The following CEMIP2 variants were observed in gnomAD, a reference collection of about 807,000 sequenced individuals.
The protein encoded by CEMIP2 is cell migration inducing hyaluronidase 2.
Under a neutral mutation model 146.9 loss-of-function variants are expected in CEMIP2, and 79 were observed. The ratio of observed to expected loss-of-function variants is 0.54; its 90% CI spans 0.45 to 0.65. The LOEUF (loss-of-function observed/expected upper bound fraction) is 0.65, where lower values mean the gene tolerates loss of function less well. CEMIP2 is among the 30% of genes least tolerant of loss of function. The pLI, the probability that CEMIP2 is intolerant of heterozygous loss-of-function variation, is 0.00. For missense variants in CEMIP2, 1,596 were observed against 1,696.2 expected (o/e 0.94, Z 1.04); for synonymous variants, 601 against 606.3 (o/e 0.99, Z 0.13).
rs1824437694 is a variant in CEMIP2, at chr9:71,756,195, A to C, written c.-12-5810T>G. ...CCAAGGAATTAAGCAAAAATGCTAG[A>C]TAGATAGATAGATAGATAGGCTATA... On this transcript the variant is annotated intron_variant, in intron 1 of 23. Transcript: ENST00000377044. Among the ~76,000 whole-genome samples the C allele has an allele frequency of 2.1e-5, 3 of 145,198 alleles. No individual in the cohort carries two copies. In the South Asian group the frequency reaches 6.8e-4, roughly 33 times the overall value.
intron 1 of CEMIP2, among the ~76,000 whole-genome samples, chr9:71,757,746 G>A (rs958455015): frequency 3.3e-5 from 5 of 152,130 alleles, no homozygotes; most frequent in African/African-American, 1.2e-4. Context: ...TTCTGGTTTG[G>A]TTTGGTTTGG....
chr9:71,694,657 A>G, intron 20 of CEMIP2, 50 bp from the exon 21 acceptor site: 1 of 1,228,862 alleles, frequency 8.1e-7, no homozygotes, highest in Non-Finnish European at 1.2e-6. Flanking sequence ...CCTTCCTCCA[A>G]AAGGTTCCCT....
Position 71,735,008 on chromosome 9 carries a change from A to G in CEMIP2, c.1205-14T>C, listed in dbSNP as rs746573718. 1 of 1,573,624 alleles carries G rather than the reference A, an allele frequency of 6.4e-7. No individual in the cohort carries two copies. The highest frequency in any genetic ancestry group is 8.6e-7 in the Non-Finnish European group (1 of 1,165,074). On this transcript the variant is annotated splice_polypyrimidine_tract_variant and intron_variant, in intron 5 of 23. Transcript: ENST00000377044. ...AAAGAGAAACGCCTAAACCAAAAAAAAAAAAAAGAAAAAGAAAGTGATACA... is the reference window on the plus strand; with the variant it reads ...AAAGAGAAACGCCTAAACCAAAAAAGAAAAAAAGAAAAAGAAAGTGATACA...
intron 19 of CEMIP2, 184 bp from the exon 20 acceptor site, chr9:71,698,388 G>A (rs1822461759): frequency 1.7e-6 from 1 of 588,112 alleles, no homozygotes; most frequent in Non-Finnish European, 3.0e-6. Context: ...TAAGTCAAAT[G>A]CAGTAACACT....
intron 1 of CEMIP2, among the ~76,000 whole-genome samples, chr9:71,763,386 CAT>C (rs1354150686): frequency 6.6e-6 from 1 of 152,150 alleles, no homozygotes; most frequent in Non-Finnish European, 1.5e-5. Flanking sequence ...AGTGGATATT[CAT>C]ATGTTTTAAG....
At chr9:71,741,355 G>A (rs970871756) in intron 4 of CEMIP2, among the ~76,000 whole-genome samples, 43 of 150,960 alleles carry the variant, frequency 2.8e-4, no homozygotes, top group Admixed American at 4.0e-4. Context: ...GTGCCACCAC[G>A]CCCGGCCAAT....
chr9:71,764,301 G>T (rs932511376), intron 1 of CEMIP2, among the ~76,000 whole-genome samples: 3 of 152,008 alleles, frequency 2.0e-5, no homozygotes, highest in Non-Finnish European at 2.9e-5. Flanking sequence ...TATACATAGT[G>T]TCTGCCTTAA....
chr9:71,743,321 C>T (rs1823977356), intron 4 of CEMIP2, among the ~76,000 whole-genome samples: 1 of 152,168 alleles, frequency 6.6e-6, no homozygotes, highest in Admixed American at 6.5e-5. Flanking sequence ...TGGCAATGTC[C>T]TATTTCTTGA....
At chr9:71,716,610 T>A in intron 13 of CEMIP2, 58 bp from the exon 14 acceptor site, 1 of 1,359,632 alleles carries the variant, frequency 7.4e-7, no homozygotes, top group Non-Finnish European at 1.0e-6. Flanking sequence ...TAAAAAGAGG[T>A]AATTCTCTCA....
intron 5 of CEMIP2, among the ~76,000 whole-genome samples, chr9:71,737,836 AT>A (rs1481416217): frequency 6.6e-6 from 1 of 152,200 alleles, no homozygotes; most frequent in African/African-American, 2.4e-5. Context: ...AGCCTGTAAG[AT>A]TTTATACAAA....
chr9:71,712,631 G>A (rs529938492), intron 15 of CEMIP2, among the ~76,000 whole-genome samples: 2 of 152,192 alleles, frequency 1.3e-5, no homozygotes, highest in East Asian at 1.9e-4. Flanking sequence ...TTTGGTCTTC[G>A]TTTCCAAATC....
Position 71,712,100 on chromosome 9 carries a change from C to T in CEMIP2, c.2752G>A (p.Val918Met), listed in dbSNP as rs367858637. The T allele has an allele frequency of 7.1e-5, 115 of 1,613,822 alleles. No individual in the cohort carries two copies. The highest frequency in any genetic ancestry group is 9.2e-5 in the Non-Finnish European group (109 of 1,179,934). ...ATACTTACATGTGGACCAAACTTCA[C>T]GAGGGAGATATTATTCCTGGGGGTT... is the stretch of plus-strand genomic sequence containing the variant. ...QITPRNNISL[V>M]KFGPHVSLNV... Residue 918 changes from valine to methionine, a missense_variant, in exon 16 of 24, where the codon GTG (valine) becomes ATG (methionine). By Grantham distance (21) the Val-to-Met change is conservative. Transcript: ENST00000377044.
At chr9:71,751,250 C>T (rs1009685161) in intron 1 of CEMIP2, among the ~76,000 whole-genome samples, 3 of 152,180 alleles carry the variant, frequency 2.0e-5, no homozygotes, top group African/African-American at 7.2e-5. Flanking sequence ...AGTAACTCTC[C>T]ATTTTTCCCA....
chr9:71,730,153 G>C lies in CEMIP2; in HGVS notation c.1874C>G (p.Thr625Ser). The C allele has an allele frequency of 1.2e-6, 2 of 1,614,158 alleles. No individual in the cohort carries two copies. The highest frequency in any genetic ancestry group is 1.7e-6 in the Non-Finnish European group (2 of 1,180,030). Residue 625 changes from threonine to serine, a missense_variant, in exon 9 of 24, where the codon ACC (threonine) becomes AGC (serine). Thr to Ser is a moderately conservative substitution (Grantham distance 58). Transcript: ENST00000377044. ...GGTGGGCAGGAGAGTACCCGGCTTG[G>C]TGAGGAGTCCCAGATTGTGGAACAA... The part of the protein sequence containing the change: ...NTLFHNLGLL[T>S]KPGTLLPTDR...
intron 12 of CEMIP2, 118 bp downstream of exon 12, chr9:71,722,309 G>A (rs1001434725): frequency 1.6e-5 from 12 of 742,626 alleles, no homozygotes; most frequent in Middle Eastern, 2.5e-4. Context: ...ACCCTTTTAC[G>A]AACTTCTAAA....
In CEMIP2 at chr9:71,722,654, T is replaced by C. The variant is rs1230137939; in HGVS notation, c.2179-139A>G. On this transcript the variant is annotated intron_variant, in intron 11 of 23. Coordinates refer to ENST00000377044, the MANE Select transcript of CEMIP2 (RefSeq NM_013390.3). ...CAGGGAATCAACAGCAAAGGTACTG[T>C]AAAAAAAAAAAAAACAGCTACTTTC... 1.6e-5 allele frequency: 7 copies of C among 449,684 alleles called. No homozygotes were observed. The Admixed American group carries it at 1.6e-4, about 10-fold the overall frequency. The allele number at this position is 449,684 out of a possible 1,614,324, so 27.9% of individuals were successfully genotyped here. A position where few individuals can be genotyped will look rare whatever the true frequency, so the allele number is the denominator to read the frequency against.
chr9:71,702,470 C>T (rs1331721436), intron 18 of CEMIP2, among the ~76,000 whole-genome samples: 3 of 151,960 alleles, frequency 2.0e-5, no homozygotes, highest in Non-Finnish European at 2.9e-5. Flanking sequence ...ATGGCACATC[C>T]ATAGACACAA....
rs545759106 is a variant in CEMIP2, at chr9:71,694,311, A to G, written c.3696+198T>C. On this transcript the variant is annotated intron_variant, in intron 21 of 23. Coordinates refer to ENST00000377044, the MANE Select transcript of CEMIP2 (RefSeq NM_013390.3). Reference sequence around the variant, plus strand: ...CCAGCTAATTTTTTGTATTTTTAGTAGAGACAGCGTTTCACCATGTTAGCC... The same window carrying G: ...CCAGCTAATTTTTTGTATTTTTAGTGGAGACAGCGTTTCACCATGTTAGCC... Among the ~76,000 whole-genome samples the G allele has an allele frequency of 3.0e-4, 45 of 152,108 alleles. 1 individual carries two copies. In the South Asian group the frequency reaches 9.2e-3, roughly 31 times the overall value.
chr9:71,750,130 T>C lies in CEMIP2; in HGVS notation c.244A>G (p.Thr82Ala), dbSNP rs752687044. 6.2e-7 allele frequency: 1 copy of C among 1,614,020 alleles called. No individual in the cohort carries two copies. The highest frequency in any genetic ancestry group is 1.1e-5 in the South Asian group (1 of 91,070). The change falls in exon 2 of 24, where the codon ACT (threonine) becomes GCT (alanine). Residue 82 changes from threonine (T) to alanine (A), a missense_variant. Transcript: ENST00000377044. ...ESQKQKRHKN[T>A]FICFAITSFS... ...CTAGTAATAGCAAAACAAATGAAAG[T>C]ATTTTTGTGTCTCTTTTGCTTTTGA...
Sources: gnomAD v4.1 joint callset for allele counts (sites outside exome capture counted in the v4.1 genomes callset) on GRCh38, gnomAD v4.1.1 for gene constraint, MANE v1.5 for transcripts, NCBI Gene and HGNC (gene_info 2026-07-23, HGNC 2026-07-21) for gene names.